Variants in DMD observed in about 807,000 individuals in gnomAD.
The protein encoded by DMD is mutant dystrophin.
DMD carries 63 observed loss-of-function variants against 330.1 expected under a neutral mutation model. The ratio of observed to expected loss-of-function variants is 0.19; its 90% CI spans 0.16 to 0.24. DMD has a LOEUF of 0.24. DMD is among the 10% of genes least tolerant of loss of function. The pLI is 1.00. For synonymous variants in DMD, 1,223 were observed against 959.8 expected (o/e 1.27, Z -5.07); for missense variants, 3,344 against 2,684.1 (o/e 1.25, Z -5.43).
At chrX:32,679,510 G>A (rs1453750971) in intron 9 of DMD, among the ~76,000 whole-genome samples, 1 of 110,866 alleles carries the variant, frequency 9.0e-6, no homozygotes, top group Middle Eastern at 4.3e-3. Context: ...TTTTATGTCC[G>A]AAAGTTCTTA....
In DMD at chrX:32,448,463, G is replaced by A. The variant is rs1214358266; in HGVS notation, c.3779C>T (p.Thr1260Ile). 8.3e-7 allele frequency: 1 copy of A among 1,208,018 alleles called. No individual in the cohort carries two copies. The highest frequency in any genetic ancestry group is 1.1e-6 in the Non-Finnish European group (1 of 892,805). Reference sequence around the variant, plus strand: ...CCAAGAAAAGCAACTGACTTCCAAAGTCTTGCATTTCCCATTCAGCCTAGT... The same window carrying A: ...CCAAGAAAAGCAACTGACTTCCAAAATCTTGCATTTCCCATTCAGCCTAGT... ...LCTRLNGKCKTLEEVWACWHE... is the reference protein window; with the variant it reads ...LCTRLNGKCKILEEVWACWHE... Residue 1260 changes from threonine (T) to isoleucine (I), a missense_variant, in exon 27 of 79, where the codon ACT (threonine) becomes ATT (isoleucine). Physicochemically the swap from Thr to Ile is moderately conservative, Grantham distance 89 (BLOSUM62 -1). Coordinates refer to ENST00000357033, the MANE Select transcript of DMD (RefSeq NM_004006.3).
Position 31,226,243 on chromosome X carries a change from G to A in DMD, c.9287-3122C>T, listed in dbSNP as rs141853370. On this transcript the variant is annotated intron_variant, in intron 63 of 78. Coordinates refer to ENST00000357033, the MANE Select transcript of DMD (RefSeq NM_004006.3). The stretch of plus-strand genomic sequence containing the variant: ...ATATTTTAATAAAGTTTCTTGTTCC[G>A]TGTTGTTAAACTTCAAGTATAAATT... 7.7e-3 allele frequency among the ~76,000 whole-genome samples: 861 copies of A among 111,815 alleles called. 4 individuals are homozygous for A. Among genetic ancestry groups the A allele is most frequent in the Middle Eastern group, 0.041 (9 of 217 alleles).
chrX:31,762,788 A>G (rs1373652392), intron 51 of DMD, among the ~76,000 whole-genome samples: 1 of 105,055 alleles, frequency 9.5e-6, no homozygotes, highest in African/African-American at 3.6e-5. Context: ...ATCTTAACAG[A>G]GTAAACTGGA....
chrX:31,945,858 TTAGAC>T (rs2095079392), intron 45 of DMD, among the ~76,000 whole-genome samples: 1 of 111,772 alleles, frequency 8.9e-6, no homozygotes, highest in African/African-American at 3.3e-5. Context: ...ATGTCTAACT[TTAGAC>T]TAAGATGTGT....
At chrX:33,074,425 T>TG (rs2148186598) in intron 1 of DMD, among the ~76,000 whole-genome samples, 1 of 110,465 alleles carries the variant, frequency 9.1e-6, no homozygotes, top group East Asian at 2.8e-4. Context: ...ATTTTTTTTT[T>TG]TTGTCTTTTA....
intron 62 of DMD, among the ~76,000 whole-genome samples, chrX:31,292,740 T>C (rs1318170311): frequency 8.9e-6 from 1 of 112,282 alleles, no homozygotes; most frequent in Non-Finnish European, 1.9e-5. Flanking sequence ...GGATAAATTA[T>C]AGTATACATT....
chrX:32,719,215 T>C (rs899075365), intron 7 of DMD, among the ~76,000 whole-genome samples: 25 of 111,963 alleles, frequency 2.2e-4, no homozygotes, highest in Non-Finnish European at 1.9e-5. Context: ...TCTGATGAAT[T>C]GAAAATAATA....
chrX:32,030,499 T>G (rs1187649358), intron 44 of DMD, among the ~76,000 whole-genome samples: 1 of 112,244 alleles, frequency 8.9e-6, no homozygotes, highest in Non-Finnish European at 1.9e-5. Flanking sequence ...GAGACTGTTT[T>G]AGATGATAAG....
intron 1 of DMD, among the ~76,000 whole-genome samples, chrX:33,090,177 G>A (rs943964948): frequency 9.1e-6 from 1 of 109,791 alleles, no homozygotes; most frequent in Non-Finnish European, 1.9e-5. Flanking sequence ...TGTTTGCTTC[G>A]ACTGGCCATC....
At chrX:33,128,047 T>C in intron 1 of DMD, 1 of 1,166,630 alleles carries the variant, frequency 8.6e-7, no homozygotes, top group Non-Finnish European at 1.1e-6. Flanking sequence ...GGTTGCAAAT[T>C]GACCAAAAGA....
intron 2 of DMD, among the ~76,000 whole-genome samples, chrX:32,890,841 AAAAC>A (rs750166905): frequency 4.5e-5 from 5 of 111,839 alleles, no homozygotes; most frequent in Admixed American, 1.9e-4. Flanking sequence ...ATTTATATTG[AAAAC>A]AAACAGTTTT....
At chrX:31,403,904 G>C (rs1302917984) in intron 60 of DMD, among the ~76,000 whole-genome samples, 1 of 111,593 alleles carries the variant, frequency 9.0e-6, no homozygotes, top group African/African-American at 3.2e-5. Flanking sequence ...TTTAGGGAGT[G>C]GGGACTAGTT....
chrX:32,285,316 T>C (rs1195457607), intron 43 of DMD, among the ~76,000 whole-genome samples: 8 of 111,992 alleles, frequency 7.1e-5, no homozygotes, highest in Non-Finnish European at 1.1e-4. Flanking sequence ...CAAAAGATGG[T>C]AATGAAACTG....
chrX:31,304,478 A>G lies in DMD; in HGVS notation c.9224+19120T>C, dbSNP rs1230682934. ...CTTTACCTCCTGTACCTTGTTATAT[A>G]TGTCTTTATAGTCTTAGATAGATCT... On this transcript the variant is annotated intron_variant, in intron 62 of 78. Coordinates refer to ENST00000357033, the MANE Select transcript of DMD (RefSeq NM_004006.3). Among the ~76,000 whole-genome samples, 4 of 110,368 alleles carry G rather than the reference A, an allele frequency of 3.6e-5. No homozygotes were observed. In the East Asian group the frequency reaches 1.1e-3, roughly 31 times the overall value.
chrX:33,247,873 A>C (rs2148894848), intron 1 of DMD, among the ~76,000 whole-genome samples: 1 of 111,516 alleles, frequency 9.0e-6, no homozygotes, highest in Admixed American at 9.6e-5. Flanking sequence ...ACCCTAAAAT[A>C]ATTTACATAA....
chrX:32,229,574 ATTAT>A (rs1377395113), intron 43 of DMD, among the ~76,000 whole-genome samples: 1 of 101,130 alleles, frequency 9.9e-6, no homozygotes, highest in Non-Finnish European at 2.0e-5. Flanking sequence ...TATTAGGGTG[ATTAT>A]TTTTCTTGAT....
chrX:31,627,063 C>T (rs2078890043), intron 55 of DMD, among the ~76,000 whole-genome samples: 1 of 111,784 alleles, frequency 8.9e-6, no homozygotes, highest in Non-Finnish European at 1.9e-5. Flanking sequence ...CAAAACTACC[C>T]CACGTTCTGT....
chrX:32,133,143 G>T (rs2096707669), intron 44 of DMD, among the ~76,000 whole-genome samples: 2 of 108,575 alleles, frequency 1.8e-5, no homozygotes, highest in Admixed American at 2.0e-4. Context: ...AGAGCAGCTG[G>T]GACTACAGGT....
At chrX:32,456,513 T>C (rs750101010) in intron 25 of DMD, among the ~76,000 whole-genome samples, 9 of 110,332 alleles carry the variant, frequency 8.2e-5, no homozygotes, top group African/African-American at 9.8e-5. Context: ...GCTACAAAAA[T>C]ATTAGAGGGA....
Sources: allele counts gnomAD v4.1 joint callset (sites outside exome capture counted in the v4.1 genomes callset), GRCh38; gene constraint gnomAD v4.1.1; transcripts MANE v1.5; gene names NCBI Gene and HGNC (gene_info 2026-07-23, HGNC 2026-07-21).